The following SGPL1 variants were observed in gnomAD, a reference collection of about 807,000 sequenced individuals.
SGPL1 encodes sphingosine-1-phosphate lyase 1, also known as SP-lyase 1.
A neutral mutation model predicts 68.9 loss-of-function variants in SGPL1; 37 were observed. The ratio of observed to expected loss-of-function variants is 0.54; its 90% CI spans 0.41 to 0.71. The LOEUF (loss-of-function observed/expected upper bound fraction) is 0.71, where lower values mean the gene tolerates loss of function less well. Among genes scored for constraint, SGPL1 ranks in the 30% least tolerant of loss-of-function variants. SGPL1 has a pLI of 0.00. For synonymous variants in SGPL1, 236 were observed against 248.5 expected, an observed-to-expected ratio of 0.95 and a Z score of 0.47; for missense variants, 551 against 704.6, an observed-to-expected ratio of 0.78 and a Z score of 2.47.
intron 8 of SGPL1, 27 bp from the exon 9 acceptor site, chr10:70,869,765 A>G (rs748800104): frequency 3.3e-5 from 53 of 1,587,606 alleles, no homozygotes; most frequent in Non-Finnish European, 4.2e-5. Flanking sequence ...CCTGAGTTAC[A>G]TTATTCTCCT....
chr10:70,874,438 C>A (rs1200095159), intron 12 of SGPL1, among the ~76,000 whole-genome samples: 1 of 152,096 alleles, frequency 6.6e-6, no homozygotes, highest in Non-Finnish European at 1.5e-5. Flanking sequence ...AAAAATTAGC[C>A]ATGAGGCCGG....
intron 6 of SGPL1, 130 bp from the exon 7 acceptor site, chr10:70,859,241 A>T: frequency 2.0e-6 from 1 of 503,260 alleles, no homozygotes; most frequent in Non-Finnish European, 2.9e-6. Context: ...TTGGTTGAGG[A>T]ATATATCTTA....
intron 2 of SGPL1, among the ~76,000 whole-genome samples, chr10:70,837,226 C>T (rs1006934354): frequency 8.6e-5 from 13 of 151,506 alleles, no homozygotes; most frequent in African/African-American, 2.9e-4. Flanking sequence ...TACAGGTGTA[C>T]GCCACCATGC....
chr10:70,858,110 C>T (rs185991582), intron 6 of SGPL1, among the ~76,000 whole-genome samples: 1 of 152,244 alleles, frequency 6.6e-6, no homozygotes, highest in East Asian at 1.9e-4. Context: ...TTAGCTTCTT[C>T]CATTTCTAAT....
At chr10:70,821,125 C>T (rs539536334) in intron 2 of SGPL1, among the ~76,000 whole-genome samples, 10 of 152,128 alleles carry the variant, frequency 6.6e-5, no homozygotes, top group African/African-American at 1.9e-4. Context: ...TCCATTTGCT[C>T]GTATGTGATG....
At position 70,879,545 on chromosome 10, in the gene SGPL1, T is replaced by G. The variant is rs1846464102; in HGVS notation, c.*2210T>G. On this transcript the variant is annotated 3_prime_UTR_variant, in exon 15 of 15. Transcript: ENST00000373202. ...TGTTTGGTCAGTGCATTATGTTGAATGAGGTCCAGGAACCCAGAGCCACCC... is the reference window on the plus strand; with the variant it reads ...TGTTTGGTCAGTGCATTATGTTGAAGGAGGTCCAGGAACCCAGAGCCACCC... 6.6e-6 allele frequency: 1 copy of G among 152,538 alleles called. No individual in the cohort carries two copies. The highest frequency in any genetic ancestry group is 2.4e-5 in the African/African-American group (1 of 41,432). 9.4% of individuals were successfully genotyped at this position (152,538 alleles called of 1,614,324 possible).
In SGPL1 at chr10:70,851,133, T is replaced by C; in HGVS notation, c.194-10T>C. On this transcript the variant is annotated splice_polypyrimidine_tract_variant and intron_variant, in intron 3 of 14. Coordinates refer to ENST00000373202, the MANE Select transcript of SGPL1 (RefSeq NM_003901.4). ...TTTATTTGAATAAGAGAACCATTTG[T>C]TTCTTTTAGGTTTATGGTCAAGGTT... The C allele has an allele frequency of 1.2e-6, 2 of 1,609,776 alleles. No homozygotes were observed. The highest frequency in any genetic ancestry group is 1.7e-6 in the Non-Finnish European group (2 of 1,176,048).
chr10:70,869,821 T>A lies in SGPL1; in HGVS notation c.734T>A (p.Phe245Tyr), dbSNP rs766526769. ...IVAPQSAHAA[F>Y]NKAASYFGMK... ...GCTCCCCAAAGTGCCCATGCTGCAT[T>A]TAACAAAGCAGCCAGTTACTTTGGG... is the stretch of plus-strand genomic sequence containing the variant. The change falls in exon 9 of 15, where the codon TTT (phenylalanine) becomes TAT (tyrosine). Residue 245 changes from phenylalanine (F) to tyrosine (Y), a missense_variant. Coordinates refer to ENST00000373202, the MANE Select transcript of SGPL1 (RefSeq NM_003901.4). 57 of 1,613,970 alleles carry A rather than the reference T, an allele frequency of 3.5e-5. No homozygotes were observed. Among genetic ancestry groups the A allele is most frequent in the Non-Finnish European group, 4.7e-5 (56 of 1,180,004 alleles).
At chr10:70,866,716 T>G (rs1228843398) in intron 7 of SGPL1, 1 of 152,238 alleles carries the variant, frequency 6.6e-6, no homozygotes, top group Non-Finnish European at 1.5e-5. Flanking sequence ...GTAAGCACTT[T>G]GTCTTCTGCA....
At chr10:70,827,973 T>A (rs559148722) in intron 2 of SGPL1, among the ~76,000 whole-genome samples, 38 of 152,242 alleles carry the variant, frequency 2.5e-4, no homozygotes, top group Non-Finnish European at 3.7e-4. Context: ...CATTAGTTTT[T>A]CTTTCTTATT....
intron 2 of SGPL1, among the ~76,000 whole-genome samples, chr10:70,828,891 G>A (rs986254469): frequency 2.0e-5 from 3 of 152,060 alleles, no homozygotes; most frequent in African/African-American, 7.2e-5. Context: ...TAATGGCACC[G>A]AGTCTTTGAG....
At chr10:70,875,317 T>C in intron 12 of SGPL1, 85 bp from the exon 13 acceptor site, 1 of 879,668 alleles carries the variant, frequency 1.1e-6, no homozygotes, top group Non-Finnish European at 1.8e-6. Flanking sequence ...TAAGGAAGAC[T>C]TTGAATGATT....
chr10:70,867,982 AAAATTT>A (rs1846224624), intron 7 of SGPL1, among the ~76,000 whole-genome samples: 1 of 152,228 alleles, frequency 6.6e-6, no homozygotes, highest in Non-Finnish European at 1.5e-5. Flanking sequence ...ACAGGTATTG[AAAATTT>A]AAATTAAAAT....
In SGPL1 at chr10:70,826,523, A is replaced by G. The variant is rs118178124; in HGVS notation, c.27+9643A>G. ...ATTAAAAATTATTTTGGAATTTATTATACGTGCAGAAGAGTATAGAAAGCA... is the reference window on the plus strand; with the variant it reads ...ATTAAAAATTATTTTGGAATTTATTGTACGTGCAGAAGAGTATAGAAAGCA... On this transcript the variant is annotated intron_variant, in intron 2 of 14. Coordinates refer to ENST00000373202, the MANE Select transcript of SGPL1 (RefSeq NM_003901.4). Among the ~76,000 whole-genome samples, 1,185 of 152,376 alleles carry G rather than the reference A, an allele frequency of 7.8e-3. 14 individuals are homozygous for G. The highest frequency in any genetic ancestry group is 0.019 in the Admixed American group (286 of 15,304).
rs1845381226 is a variant in SGPL1, at chr10:70,823,592, A to C, written c.27+6712A>C. On this transcript the variant is annotated intron_variant, in intron 2 of 14. Transcript: ENST00000373202. The stretch of plus-strand genomic sequence containing the variant: ...AAAAAAAAAAAAAAAAGCTAATGGG[A>C]TCTCATTTCAAAACACAGCATATGT... Among the ~76,000 whole-genome samples, 6 of 145,200 alleles carry C rather than the reference A, an allele frequency of 4.1e-5. No homozygotes were observed. In the South Asian group the frequency reaches 1.3e-3, roughly 32 times the overall value.
intron 11 of SGPL1, 144 bp downstream of exon 11, chr10:70,872,130 C>G: frequency 1.2e-6 from 1 of 823,302 alleles, no homozygotes; most frequent in Non-Finnish European, 1.8e-6. Context: ...TTTGCCGTCA[C>G]CAGATCAGCT....
At position 70,854,742 on chromosome 10, in the gene SGPL1, T is replaced by C. The variant is rs1845937083; in HGVS notation, c.296T>C (p.Ile99Thr). The C allele has an allele frequency of 4.3e-6, 7 of 1,613,630 alleles. No individual in the cohort carries two copies. The highest frequency in any genetic ancestry group is 4.2e-6 in the Non-Finnish European group (5 of 1,179,798). Residue 99 changes from isoleucine (I) to threonine (T), a missense_variant, in exon 5 of 15, where the codon ATT becomes ACT. Ile to Thr is a moderately conservative substitution (Grantham distance 89). Coordinates refer to ENST00000373202, the MANE Select transcript of SGPL1 (RefSeq NM_003901.4). Reference sequence around the variant, plus strand: ...AAGTTGAACAAGACCAAGGATGATATTAGCAAGAACATGTCATTCCTGAAA... The same window carrying C: ...AAGTTGAACAAGACCAAGGATGATACTAGCAAGAACATGTCATTCCTGAAA... ...QDKLNKTKDD[I>T]SKNMSFLKVD...
At chr10:70,825,690 C>T (rs148650961) in intron 2 of SGPL1, among the ~76,000 whole-genome samples, 266 of 152,260 alleles carry the variant, frequency 1.7e-3, no homozygotes, top group African/African-American at 6.2e-3. Flanking sequence ...GCCTAGGAAT[C>T]CCTCTACAAT....
Position 70,842,534 on chromosome 10 carries a change from C to T in SGPL1, c.28-1939C>T, listed in dbSNP as rs140676165. Among the ~76,000 whole-genome samples the T allele has an allele frequency of 8.5e-5, 13 of 152,152 alleles. No individual in the cohort carries two copies. The East Asian group carries it at 2.5e-3, about 29-fold the overall frequency. ...CTTCAACATCTGCTTCCGGTGAGACCTCAGGAAGCTTACAATCATGGCGGA... is the reference window on the plus strand; with the variant it reads ...CTTCAACATCTGCTTCCGGTGAGACTTCAGGAAGCTTACAATCATGGCGGA... On this transcript the variant is annotated intron_variant, in intron 2 of 14. Coordinates refer to ENST00000373202, the MANE Select transcript of SGPL1 (RefSeq NM_003901.4).
Sources: gnomAD v4.1 joint callset for allele counts (sites outside exome capture counted in the v4.1 genomes callset) on GRCh38, gnomAD v4.1.1 for gene constraint, MANE v1.5 for transcripts, NCBI Gene and HGNC (gene_info 2026-07-23, HGNC 2026-07-21) for gene names.